PTPRD: variants seen among roughly 807,000 people sequenced by gnomAD.
The protein encoded by PTPRD is receptor-type tyrosine-protein phosphatase delta.
PTPRD carries 34 observed loss-of-function variants against 214.5 expected under a neutral mutation model. The ratio of observed to expected loss-of-function variants is 0.16; its 90% CI spans 0.12 to 0.21. The LOEUF is 0.21. Among genes scored for constraint, PTPRD ranks in the 10% least tolerant of loss-of-function variants. The probability of loss-of-function intolerance (pLI) is 1.00; values close to 1 mark genes in which losing one functional copy is unlikely to be tolerated. For missense variants in PTPRD, 2,545 were observed against 2,398.7 expected (o/e 1.06, Z -1.27); for synonymous variants, 1,128 against 845.7 (o/e 1.33, Z -5.79).
intron 7 of PTPRD, among the ~76,000 whole-genome samples, chr9:9,701,053 A>T (rs926928000): frequency 1.3e-5 from 2 of 152,190 alleles, no homozygotes; most frequent in East Asian, 3.9e-4. Flanking sequence ...AAAAAAAAAA[A>T]AATTGAATAG....
chr9:9,358,124 G>GCC (rs1198533234), intron 9 of PTPRD, among the ~76,000 whole-genome samples: 1 of 151,142 alleles, frequency 6.6e-6, no homozygotes, highest in Non-Finnish European at 1.5e-5. Flanking sequence ...TCTTTTGTTT[G>GCC]AAGACCTTTT....
At chr9:10,519,962 A>C (rs1193779605) in intron 2 of PTPRD, among the ~76,000 whole-genome samples, 1 of 152,120 alleles carries the variant, frequency 6.6e-6, no homozygotes, top group Non-Finnish European at 1.5e-5. Flanking sequence ...CCTAATTACC[A>C]AAAACCACCT....
In PTPRD at chr9:10,537,938, G is replaced by C. The variant is rs77049272; in HGVS notation, c.-600+74460C>G. Among the ~76,000 whole-genome samples, 1,123 of 152,148 alleles carry C rather than the reference G, an allele frequency of 7.4e-3. 24 individuals carry two copies. The highest frequency in any genetic ancestry group is 0.025 in the African/African-American group (1,056 of 41,508). The stretch of plus-strand genomic sequence containing the variant: ...GCCCCAACCCAGTCGAACTGAATTA[G>C]AAATTCTGAGGATGACACCTCGCAA... On this transcript the variant is annotated intron_variant, in intron 2 of 45. Transcript: ENST00000381196.
At chr9:9,484,676 C>T (rs1004450611) in intron 8 of PTPRD, among the ~76,000 whole-genome samples, 4 of 151,838 alleles carry the variant, frequency 2.6e-5, no homozygotes, top group Admixed American at 1.3e-4. Flanking sequence ...GTTATTGGGC[C>T]CATTTTTAGA....
chr9:10,412,633 AACACACACACACACACAC>A (rs150312961), intron 2 of PTPRD, among the ~76,000 whole-genome samples: 1 of 147,752 alleles, frequency 6.8e-6, no homozygotes, highest in Non-Finnish European at 1.5e-5. Flanking sequence ...CACACACACA[AACACACACACACACACAC>A]ACACACACAC....
intron 7 of PTPRD, among the ~76,000 whole-genome samples, chr9:9,719,618 G>T (rs981356223): frequency 3.3e-5 from 5 of 152,148 alleles, no homozygotes; most frequent in Non-Finnish European, 7.3e-5. Context: ...AACACAAACG[G>T]TCTGAAACAC....
chr9:10,202,030 G>C (rs931028946), intron 3 of PTPRD, among the ~76,000 whole-genome samples: 2 of 151,966 alleles, frequency 1.3e-5, no homozygotes, highest in African/African-American at 4.8e-5. Context: ...TCATTCAGAT[G>C]AAAGAAATAA....
At chr9:9,879,051 T>C (rs2067785199) in intron 5 of PTPRD, among the ~76,000 whole-genome samples, 1 of 152,224 alleles carries the variant, frequency 6.6e-6, no homozygotes, top group African/African-American at 2.4e-5. Flanking sequence ...TTTCATTCAG[T>C]ATTTTCTATG....
intron 8 of PTPRD, among the ~76,000 whole-genome samples, chr9:9,548,245 T>A (rs959130791): frequency 7.9e-5 from 12 of 151,424 alleles, no homozygotes; most frequent in Non-Finnish European, 1.5e-4. Flanking sequence ...TAATAGAAGA[T>A]AAATAGCAAG....
At chr9:8,408,414 T>C (rs1307934022) in intron 35 of PTPRD, among the ~76,000 whole-genome samples, 1 of 152,272 alleles carries the variant, frequency 6.6e-6, no homozygotes, top group South Asian at 2.1e-4. Flanking sequence ...TAATCTTCCA[T>C]GGGATACCCT....
chr9:10,319,888 G>A (rs958137271), intron 3 of PTPRD, among the ~76,000 whole-genome samples: 3 of 151,958 alleles, frequency 2.0e-5, no homozygotes, highest in Non-Finnish European at 4.4e-5. Context: ...CCTACCATAA[G>A]TTAATTCATA....
chr9:9,353,755 T>C (rs2052469480), intron 9 of PTPRD, among the ~76,000 whole-genome samples: 1 of 151,854 alleles, frequency 6.6e-6, no homozygotes, highest in African/African-American at 2.4e-5. Flanking sequence ...TAGTTTTCTA[T>C]TGCTGCCTGG....
chr9:8,457,653 G>A (rs1435008964), intron 33 of PTPRD, among the ~76,000 whole-genome samples: 1 of 152,082 alleles, frequency 6.6e-6, no homozygotes, highest in Non-Finnish European at 1.5e-5. Context: ...TGTAGCTACA[G>A]ACCTATTGCT....
rs1012496905 is a variant in PTPRD at position 8,560,440 on chromosome 9, T to C, written c.353-31661A>G. On this transcript the variant is annotated intron_variant, in intron 14 of 45. Transcript: ENST00000381196. ...CAGTACCAACTTAAAAAAAAATACA[T>C]ACACACACACACACACACACACACA... Among the ~76,000 whole-genome samples the C allele has an allele frequency of 2.6e-4, 37 of 143,430 alleles. No individual in the cohort carries two copies. In the East Asian group the frequency reaches 3.9e-3, roughly 15 times the overall value. 94.1% of individuals were successfully genotyped at this position (143,430 alleles called of 152,430 possible). A position where few individuals can be genotyped will look rare whatever the true frequency, so the allele number is the denominator to read the frequency against.
intron 12 of PTPRD, among the ~76,000 whole-genome samples, chr9:8,695,895 T>G (rs1381786531): frequency 1.3e-5 from 2 of 152,228 alleles, no homozygotes; most frequent in Admixed American, 6.5e-5. Context: ...AATCATTTGC[T>G]TTCTCTCTAT....
intron 22 of PTPRD, among the ~76,000 whole-genome samples, chr9:8,505,496 C>A (rs1330518531): frequency 6.6e-6 from 1 of 151,554 alleles, no homozygotes; most frequent in East Asian, 1.9e-4. Flanking sequence ...GTGGTGGGCG[C>A]CTGTGGTCCC....
chr9:8,844,776 T>C (rs1411759662), intron 11 of PTPRD, among the ~76,000 whole-genome samples: 1 of 152,194 alleles, frequency 6.6e-6, no homozygotes, highest in African/African-American at 2.4e-5. Context: ...CTCAATTAAC[T>C]GTGGAGCAAA....
intron 12 of PTPRD, among the ~76,000 whole-genome samples, chr9:8,669,271 A>C (rs1174426082): frequency 6.6e-6 from 1 of 152,028 alleles, no homozygotes; most frequent in Non-Finnish European, 1.5e-5. Flanking sequence ...ATGGCATCTT[A>C]TCTGTTTTAC....
At chr9:9,654,998 TATATATAGATATAG>T (rs1564346433) in intron 7 of PTPRD, among the ~76,000 whole-genome samples, 2 of 146,946 alleles carry the variant, frequency 1.4e-5, no homozygotes, top group East Asian at 1.9e-4. Flanking sequence ...GAAGCATATA[TATATATAGATATAG>T]ATATATAGAT....
Sources: gnomAD v4.1 joint callset for allele counts (sites outside exome capture counted in the v4.1 genomes callset) on GRCh38, gnomAD v4.1.1 for gene constraint, MANE v1.5 for transcripts, NCBI Gene and HGNC (gene_info 2026-07-23, HGNC 2026-07-21) for gene names.